RBFOX1: variants seen among roughly 807,000 people sequenced by gnomAD.
RBFOX1 encodes the protein RNA binding protein fox-1 homolog 1.
Under a neutral mutation model 57.7 loss-of-function variants are expected in RBFOX1, and 8 were observed. The ratio of observed to expected loss-of-function variants is 0.14; its 90% CI spans 0.08 to 0.25. The LOEUF (loss-of-function observed/expected upper bound fraction) is 0.25. RBFOX1 is among the 10% of genes least tolerant of loss of function. The probability of loss-of-function intolerance (pLI) is 1.00; values close to 1 mark genes in which losing one functional copy is unlikely to be tolerated. For missense variants in RBFOX1, 611 were observed against 548.5 expected (o/e 1.11, Z -1.14); for synonymous variants, 326 against 222.4 (o/e 1.47, Z -4.15).
At chr16:7,161,552 A>T (rs2078323984) in intron 4 of RBFOX1, among the ~76,000 whole-genome samples, 1 of 152,202 alleles carries the variant, frequency 6.6e-6, no homozygotes, top group Admixed American at 6.5e-5. Flanking sequence ...GGTACATGTC[A>T]GTGAAGTCCT....
At chr16:6,585,973 G>A (rs1420068) in intron 2 of RBFOX1, among the ~76,000 whole-genome samples, 1 of 152,142 alleles carries the variant, frequency 6.6e-6, no homozygotes, top group African/African-American at 2.4e-5. Context: ...AGTTTTAAAC[G>A]TTCAAAACAG....
intron 3 of RBFOX1, among the ~76,000 whole-genome samples, chr16:6,777,539 A>C (rs554569562): frequency 4.7e-4 from 71 of 152,170 alleles, no homozygotes; most frequent in African/African-American, 1.6e-3. Context: ...TCCCTGAGGG[A>C]ACTTTAGACC....
At chr16:7,371,082 G>A (rs1045029484) in intron 4 of RBFOX1, among the ~76,000 whole-genome samples, 6 of 152,088 alleles carry the variant, frequency 3.9e-5, no homozygotes, top group African/African-American at 1.2e-4. Flanking sequence ...TTAGTTTTAC[G>A]CAGGTTTTCA....
intron 4 of RBFOX1, among the ~76,000 whole-genome samples, chr16:7,153,096 C>T (rs946170292): frequency 6.6e-6 from 1 of 152,102 alleles, no homozygotes; most frequent in Non-Finnish European, 1.5e-5. Flanking sequence ...AAACTTGTCT[C>T]TTAATGTTAT....
chr16:5,251,896 A>T (rs529381921), intron 1 of RBFOX1, among the ~76,000 whole-genome samples: 7 of 144,960 alleles, frequency 4.8e-5, no homozygotes, highest in Non-Finnish European at 6.0e-5. Context: ...CTTCAAGTTT[A>T]AAAAAAAAAA....
intron 15 of RBFOX1, chr16:7,710,415 T>G (rs2083818275): frequency 7.2e-7 from 1 of 1,391,196 alleles, no homozygotes; most frequent in Non-Finnish European, 9.2e-7. Flanking sequence ...CAGAATTTGG[T>G]TTTGCAGGGA....
At chr16:5,563,818 C>G (rs774071665) in intron 2 of RBFOX1, among the ~76,000 whole-genome samples, 15 of 152,210 alleles carry the variant, frequency 9.9e-5, no homozygotes, top group Non-Finnish European at 1.8e-4. Context: ...AACCTTGTAC[C>G]TTTTAGCAGC....
At chr16:6,464,891 C>G (rs528008029) in intron 2 of RBFOX1, among the ~76,000 whole-genome samples, 8 of 152,330 alleles carry the variant, frequency 5.3e-5, no homozygotes, top group African/African-American at 1.7e-4. Context: ...AGAATGTAGC[C>G]TCCAGCACAG....
At chr16:6,647,952 G>A (rs910947937) in intron 2 of RBFOX1, among the ~76,000 whole-genome samples, 10 of 152,094 alleles carry the variant, frequency 6.6e-5, no homozygotes, top group African/African-American at 1.4e-4. Flanking sequence ...AGTGATTCTC[G>A]TGCGTCAGCC....
chr16:7,263,566 C>T (rs1043845875), intron 4 of RBFOX1, among the ~76,000 whole-genome samples: 3 of 151,890 alleles, frequency 2.0e-5, no homozygotes, highest in South Asian at 4.2e-4. Context: ...GACCACAGCT[C>T]CATAATAAAA....
chr16:6,604,365 T>G (rs1049739754), intron 2 of RBFOX1, among the ~76,000 whole-genome samples: 18 of 152,280 alleles, frequency 1.2e-4, no homozygotes, highest in African/African-American at 4.3e-4. Flanking sequence ...TTTTAAGAGA[T>G]AGGGCCTTGC....
At chr16:5,713,692 A>G (rs1272282548) in intron 3 of RBFOX1, among the ~76,000 whole-genome samples, 1 of 152,202 alleles carries the variant, frequency 6.6e-6, no homozygotes, top group Non-Finnish European at 1.5e-5. Flanking sequence ...TTCTTGCTCT[A>G]TGTCATTGTG....
At chr16:7,442,962 G>A (rs763824325) in intron 4 of RBFOX1, among the ~76,000 whole-genome samples, 2 of 152,120 alleles carry the variant, frequency 1.3e-5, no homozygotes, top group Non-Finnish European at 2.9e-5. Context: ...GCCATATTGG[G>A]GATTTATACC....
In RBFOX1 at chr16:7,023,924, C is replaced by T. The variant is rs181046665; in HGVS notation, c.-15-28133C>T. 5.3e-5 allele frequency among the ~76,000 whole-genome samples: 8 copies of T among 152,244 alleles called. No homozygotes were observed. The East Asian group carries it at 1.4e-3, about 26-fold the overall frequency. ...AAGGGAGTTGAAAACAAGGAAGACTCCCTGCTTTTGATTCCCATGAGGGCA... is the reference window on the plus strand; with the variant it reads ...AAGGGAGTTGAAAACAAGGAAGACTTCCTGCTTTTGATTCCCATGAGGGCA... On this transcript the variant is annotated intron_variant, in intron 3 of 15. Coordinates refer to ENST00000550418, the MANE Select transcript of RBFOX1 (RefSeq NM_018723.4).
chr16:7,410,635 C>T (rs1197361760), intron 4 of RBFOX1, among the ~76,000 whole-genome samples: 3 of 152,176 alleles, frequency 2.0e-5, no homozygotes, highest in Non-Finnish European at 4.4e-5. Context: ...CAAGATTGTG[C>T]CATTGCACTC....
intron 1 of RBFOX1, among the ~76,000 whole-genome samples, chr16:6,287,961 T>C (rs2077067723): frequency 6.6e-6 from 1 of 152,084 alleles, no homozygotes; most frequent in African/African-American, 2.4e-5. Context: ...AAAGAAAAAA[T>C]GAACAGTGTT....
rs190373243 is a variant in RBFOX1 at position 7,002,477 on chromosome 16, G to T, written c.-15-49580G>T. On this transcript the variant is annotated intron_variant, in intron 3 of 15. Coordinates refer to ENST00000550418, the MANE Select transcript of RBFOX1 (RefSeq NM_018723.4). ...TGTCTGTAATTCCAGCACTTGGGAA[G>T]CTGAGGCAGGCGGATCATGAGGTCA... is the stretch of plus-strand genomic sequence containing the variant. 3.4e-3 allele frequency among the ~76,000 whole-genome samples: 522 copies of T among 152,340 alleles called. 17 individuals are homozygous for T. The highest frequency in any genetic ancestry group is 0.033 in the Admixed American group (505 of 15,308).
At chr16:7,329,401 A>G (rs2096654873) in intron 4 of RBFOX1, among the ~76,000 whole-genome samples, 1 of 152,188 alleles carries the variant, frequency 6.6e-6, no homozygotes, top group African/African-American at 2.4e-5. Context: ...GCCATGAACC[A>G]TGTGCACTGC....
intron 4 of RBFOX1, among the ~76,000 whole-genome samples, chr16:7,283,618 G>A (rs7190081): frequency 5.9e-5 from 9 of 151,892 alleles, no homozygotes; most frequent in South Asian, 2.1e-4. Flanking sequence ...CAGCCTCACC[G>A]TCCTCAGAAG....
Sources: allele counts gnomAD v4.1 joint callset (sites outside exome capture counted in the v4.1 genomes callset), GRCh38; gene constraint gnomAD v4.1.1; transcripts MANE v1.5; gene names NCBI Gene and HGNC (gene_info 2026-07-23, HGNC 2026-07-21).